DOCK2: variants seen among roughly 807,000 people sequenced by gnomAD.
DOCK2 encodes dedicator of cytokinesis 2, also known as dedicator of cytokinesis protein 2.
A neutral mutation model predicts 248.9 loss-of-function variants in DOCK2; 87 were observed. The observed-to-expected ratio is 0.35, with a 90% CI of 0.29 to 0.42. The LOEUF is 0.42. DOCK2 is among the 10% of genes least tolerant of loss of function. DOCK2 has a pLI of 1.00. For synonymous variants in DOCK2, 805 were observed against 821.6 expected, an observed-to-expected ratio of 0.98 and a Z score of 0.35; for missense variants, 1,747 against 2,300.2, an observed-to-expected ratio of 0.76 and a Z score of 4.92.
chr5:169,992,092 G>A (rs1250903844), intron 29 of DOCK2, among the ~76,000 whole-genome samples: 2 of 152,190 alleles, frequency 1.3e-5, no homozygotes, highest in African/African-American at 4.8e-5. Context: ...TCTGCAGGCC[G>A]TGTAACTTCA....
intron 27 of DOCK2, among the ~76,000 whole-genome samples, chr5:169,953,610 C>T (rs1011959490): frequency 2.0e-5 from 3 of 152,140 alleles, no homozygotes; most frequent in Non-Finnish European, 2.9e-5. Flanking sequence ...GAGTCAGCTA[C>T]AGAGGAGACC....
intron 28 of DOCK2, among the ~76,000 whole-genome samples, chr5:169,984,786 AG>A: frequency 6.6e-6 from 1 of 152,204 alleles, no homozygotes; most frequent in Non-Finnish European, 1.5e-5. Context: ...CACCAACTTA[AG>A]GAAACAACTC....
At chr5:169,678,607 T>C (rs528539117) in intron 6 of DOCK2, among the ~76,000 whole-genome samples, 22 of 152,292 alleles carry the variant, frequency 1.4e-4, no homozygotes, top group African/African-American at 5.3e-4. Context: ...GATCCTCGGT[T>C]ACACTTTCTA....
chr5:169,777,831 A>G (rs1321362961), intron 25 of DOCK2, among the ~76,000 whole-genome samples: 2 of 152,196 alleles, frequency 1.3e-5, no homozygotes, highest in African/African-American at 4.8e-5. Flanking sequence ...TAGTGCTACT[A>G]TTATTTGCAG....
chr5:169,704,632 A>G (rs1170501610), intron 14 of DOCK2, among the ~76,000 whole-genome samples: 16 of 152,214 alleles, frequency 1.1e-4, no homozygotes. Context: ...TAAAACAACT[A>G]AAAGAGTATG....
intron 25 of DOCK2, among the ~76,000 whole-genome samples, chr5:169,784,643 A>C (rs1291204521): frequency 6.6e-6 from 1 of 152,096 alleles, no homozygotes; most frequent in Non-Finnish European, 1.5e-5. Flanking sequence ...TTTTGTTTTT[A>C]TCTTTCTCTA....
intron 27 of DOCK2, among the ~76,000 whole-genome samples, chr5:169,947,102 C>T (rs372972437): frequency 7.9e-5 from 12 of 152,346 alleles, no homozygotes; most frequent in African/African-American, 2.6e-4. Flanking sequence ...CACTATGACT[C>T]CCTGTTACCA....
chr5:169,854,902 C>T (rs1770808411), intron 27 of DOCK2, among the ~76,000 whole-genome samples: 1 of 152,182 alleles, frequency 6.6e-6, no homozygotes, highest in South Asian at 2.1e-4. Flanking sequence ...ACAATGTGCT[C>T]TGGGTACTTG....
At chr5:169,818,557 A>G (rs1024124288) in intron 26 of DOCK2, among the ~76,000 whole-genome samples, 2 of 152,170 alleles carry the variant, frequency 1.3e-5, no homozygotes, top group African/African-American at 2.4e-5. Flanking sequence ...TGTGGTTAAT[A>G]CCAAAATGTT....
Position 169,763,915 on chromosome 5 carries a change from A to G in DOCK2, c.2554+2290A>G, listed in dbSNP as rs1451451479. 6.6e-6 allele frequency among the ~76,000 whole-genome samples: 1 copy of G among 152,186 alleles called. No homozygotes were observed. The highest frequency in any genetic ancestry group is 2.4e-5 in the African/African-American group (1 of 41,452). On this transcript the variant is annotated intron_variant, in intron 25 of 51. Coordinates refer to ENST00000520908, the MANE Select transcript of DOCK2 (RefSeq NM_004946.3). This position sits in a 1 kb window ranked among gnomAD's most constrained non-coding sequence, Gnocchi z 4.1. Reference sequence around the variant, plus strand: ...GCTGAAAGGTAACTCCTCTCCCACCATCTATTTGCTAAGTGAGCCCTGTTA... The same window carrying G: ...GCTGAAAGGTAACTCCTCTCCCACCGTCTATTTGCTAAGTGAGCCCTGTTA...
chr5:170,001,500 C>G (rs7705698), intron 30 of DOCK2, among the ~76,000 whole-genome samples: 5,594 of 152,234 alleles, frequency 0.037, 335 homozygotes, highest in African/African-American at 0.13. Context: ...GATTCAGATG[C>G]CACCTTCACC....
intron 41 of DOCK2, 136 bp downstream of exon 41, chr5:170,050,533 A>C (rs1344537965): frequency 9.6e-7 from 1 of 1,041,912 alleles, no homozygotes; most frequent in Non-Finnish European, 1.4e-6. Context: ...AGGAACATGC[A>C]ACATGTTCTT....
At chr5:169,663,284 A>T (rs549767822) in intron 2 of DOCK2, among the ~76,000 whole-genome samples, 1 of 152,254 alleles carries the variant, frequency 6.6e-6, no homozygotes, top group Non-Finnish European at 1.5e-5. Flanking sequence ...CAGGGTACAG[A>T]CCCCACAGCT....
intron 27 of DOCK2, among the ~76,000 whole-genome samples, chr5:169,926,182 A>T (rs915912457): frequency 1.1e-4 from 16 of 152,220 alleles, no homozygotes; most frequent in African/African-American, 3.9e-4. Context: ...GTCGGCATGG[A>T]TGTGGATAGG....
chr5:170,079,757 G>T (rs1054720392), intron 49 of DOCK2: 2 of 168,908 alleles, frequency 1.2e-5, no homozygotes, highest in Non-Finnish European at 2.6e-5. Context: ...TGGATTAACT[G>T]CCCTGGCAAG....
chr5:169,639,899 A>G (rs557250050), intron 1 of DOCK2, among the ~76,000 whole-genome samples: 3 of 152,338 alleles, frequency 2.0e-5, no homozygotes, highest in Non-Finnish European at 4.4e-5. Context: ...TGGGTGGCTT[A>G]AACAACAGAA....
intron 25 of DOCK2, among the ~76,000 whole-genome samples, chr5:169,793,512 T>C (rs1265798642): frequency 6.6e-6 from 1 of 152,112 alleles, no homozygotes; most frequent in Non-Finnish European, 1.5e-5. Flanking sequence ...ATCTGTAAAA[T>C]AGGTATAATG....
At chr5:170,000,654 A>G (rs1754799899) in intron 30 of DOCK2, among the ~76,000 whole-genome samples, 1 of 152,176 alleles carries the variant, frequency 6.6e-6, no homozygotes, top group South Asian at 2.1e-4. Flanking sequence ...CCCTGGAATC[A>G]GAGATTATAC....
intron 27 of DOCK2, among the ~76,000 whole-genome samples, chr5:169,927,647 C>T (rs186901376): frequency 9.3e-4 from 142 of 152,334 alleles, no homozygotes; most frequent in African/African-American, 3.4e-3. Flanking sequence ...GACGGAGTCT[C>T]GCTCTGTCGC....
Sources: allele counts gnomAD v4.1 joint callset (sites outside exome capture counted in the v4.1 genomes callset), GRCh38; gene constraint gnomAD v4.1.1; non-coding constraint Gnocchi (gnomAD v3.1); transcripts MANE v1.5; gene names NCBI Gene and HGNC (gene_info 2026-07-23, HGNC 2026-07-21).